NEK1: variants seen among roughly 807,000 people sequenced by gnomAD.
NEK1 encodes NIMA related kinase 1.
Under a neutral mutation model 182.1 loss-of-function variants are expected in NEK1, and 137 were observed. That is an observed-to-expected ratio of 0.75 (90% confidence interval 0.65 to 0.87). The LOEUF (loss-of-function observed/expected upper bound fraction) is 0.87, where lower values mean the gene tolerates loss of function less well. NEK1 is among the 40% of genes least tolerant of loss of function. The pLI is 0.00. For synonymous variants in NEK1, 513 were observed against 492.2 expected (o/e 1.04, Z -0.56); for missense variants, 1,391 against 1,494.4 (o/e 0.93, Z 1.14).
intron 12 of NEK1, among the ~76,000 whole-genome samples, chr4:169,574,329 CT>C (rs1765342899): frequency 6.6e-6 from 1 of 152,182 alleles, no homozygotes; most frequent in Non-Finnish European, 1.5e-5. Context: ...GGCGTGGTGG[CT>C]CATGCCCGTA....
At chr4:169,561,205 T>G (rs1762848927) in intron 16 of NEK1, among the ~76,000 whole-genome samples, 1 of 152,198 alleles carries the variant, frequency 6.6e-6, no homozygotes, top group African/African-American at 2.4e-5. Flanking sequence ...GAATTGTACA[T>G]AATTTTTAAA....
chr4:169,396,782 G>C (rs967407436), intron 35 of NEK1, among the ~76,000 whole-genome samples: 1 of 151,988 alleles, frequency 6.6e-6, no homozygotes, highest in Non-Finnish European at 1.5e-5. Flanking sequence ...TGTCACTTTC[G>C]GGTGAGCGAG....
intron 18 of NEK1, chr4:169,554,128 T>C (rs1340872029): frequency 6.6e-6 from 1 of 152,192 alleles, no homozygotes; most frequent in Non-Finnish European, 1.5e-5. Flanking sequence ...GTGTAGTACA[T>C]CCATTCTGGC....
chr4:169,604,899 A>G (rs1771086305), intron 2 of NEK1, among the ~76,000 whole-genome samples: 1 of 152,188 alleles, frequency 6.6e-6, no homozygotes, highest in Non-Finnish European at 1.5e-5. Flanking sequence ...TTAAAGAAGA[A>G]AAGTTGTTCC....
intron 26 of NEK1, among the ~76,000 whole-genome samples, chr4:169,473,366 C>A (rs1579982221): frequency 6.6e-6 from 1 of 151,754 alleles, no homozygotes; most frequent in South Asian, 2.1e-4. Flanking sequence ...AGAGGCTGGG[C>A]AGGGGTGAGG....
chr4:169,507,818 C>T (rs749494581), intron 21 of NEK1, 26 bp from the exon 22 acceptor site: 1 of 1,521,008 alleles, frequency 6.6e-7, no homozygotes, highest in Non-Finnish European at 9.1e-7. Flanking sequence ...ATAAGCAAAT[C>T]ACTTAGGATA....
intron 12 of NEK1, among the ~76,000 whole-genome samples, chr4:169,573,588 T>C (rs1765206194): frequency 6.6e-6 from 1 of 152,110 alleles, no homozygotes; most frequent in South Asian, 2.1e-4. Context: ...GAAATTATTA[T>C]AAATGAATAT....
intron 27 of NEK1, among the ~76,000 whole-genome samples, chr4:169,439,099 A>G (rs1738949137): frequency 6.6e-6 from 1 of 152,232 alleles, no homozygotes; most frequent in South Asian, 2.1e-4. Flanking sequence ...CAGAAATTCC[A>G]TAATATAGTC....
chr4:169,546,589 C>G (rs1317487260), intron 18 of NEK1, among the ~76,000 whole-genome samples: 5 of 152,018 alleles, frequency 3.3e-5, no homozygotes, highest in Admixed American at 3.3e-4. Context: ...GTTAAAGTCT[C>G]CCACTACTGT....
At position 169,507,756 on chromosome 4, in the gene NEK1, C is replaced by T. The variant is rs753654359; in HGVS notation, c.1870G>A (p.Glu624Lys). 1.9e-6 allele frequency: 3 copies of T among 1,613,126 alleles called. No homozygotes were observed. The highest frequency in any genetic ancestry group is 1.3e-5 in the African/African-American group (1 of 75,022). ...TTTTTGCGCCTCATGTCAGCCTCTT[C>T]ACTTCCTTCTTGTCCTTCAGAATGA... ...ANHSEGQEGSEEADMRRKKIE... is the reference protein window; with the variant it reads ...ANHSEGQEGSKEADMRRKKIE... The change falls in exon 22 of 36, where the codon GAA becomes AAA. Residue 624 changes from glutamate to lysine, a missense_variant. Glu to Lys is a moderately conservative substitution (Grantham distance 56). Around this residue, in one of 5 missense-constraint regions of NEK1, gnomAD observed 1,216 missense variants for 1,277.6 expected, o/e 0.95. Transcript: ENST00000507142.
At position 169,577,887 on chromosome 4, in the gene NEK1, TATA is replaced by T. The variant is rs530649631; in HGVS notation, c.869-811_869-809del. Among the ~76,000 whole-genome samples, 360 of 152,174 alleles carry T rather than the reference TATA, an allele frequency of 2.4e-3. 1 individual carries two copies. Among genetic ancestry groups the T allele is most frequent in the African/African-American group, 8.4e-3 (350 of 41,538 alleles). ...CAATATAAGCAACTTTTTTCCTTCA[TATA>T]ATGTCTGAATGGTATCTATACCTAC... On this transcript the variant is annotated intron_variant, in intron 11 of 35. Transcript: ENST00000507142.
At chr4:169,558,829 C>T (rs1762508086) in intron 16 of NEK1, among the ~76,000 whole-genome samples, 1 of 151,980 alleles carries the variant, frequency 6.6e-6, no homozygotes, top group Non-Finnish European at 1.5e-5. Context: ...ATAAAAATGC[C>T]TCTTATTTAG....
intron 24 of NEK1, 101 bp from the exon 25 acceptor site, chr4:169,477,598 G>C (rs1747207558): frequency 1.2e-6 from 1 of 850,856 alleles, no homozygotes; most frequent in South Asian, 2.0e-5. Context: ...TCATTAATTT[G>C]TTCCTTGTAA....
chr4:169,534,062 T>TA (rs1252164072), intron 19 of NEK1, among the ~76,000 whole-genome samples: 1 of 152,176 alleles, frequency 6.6e-6, no homozygotes, highest in Non-Finnish European at 1.5e-5. Flanking sequence ...ACAATGTAAG[T>TA]AGGAAGATAA....
At chr4:169,464,980 A>C (rs762200381) in intron 26 of NEK1, among the ~76,000 whole-genome samples, 2 of 152,134 alleles carry the variant, frequency 1.3e-5, no homozygotes, top group Non-Finnish European at 2.9e-5. Context: ...TGAAGTATAC[A>C]GGTACCTAGT....
chr4:169,484,336 G>A (rs556140178), intron 23 of NEK1, among the ~76,000 whole-genome samples: 2 of 152,292 alleles, frequency 1.3e-5, no homozygotes, highest in Admixed American at 6.5e-5. Context: ...GTGAGCCACC[G>A]CGTTTGGCCT....
chr4:169,508,287 A>G lies in NEK1; in HGVS notation c.1794T>C (p.Asn598=). The G allele has an allele frequency of 3.1e-6, 5 of 1,595,228 alleles. No individual in the cohort carries two copies. Among genetic ancestry groups the G allele is most frequent in the Non-Finnish European group, 4.3e-6 (5 of 1,171,238 alleles). The change falls in exon 21 of 36, where the codon AAT becomes AAC. Residue 598 remains asparagine (N), a synonymous_variant. Coordinates refer to ENST00000507142, the MANE Select transcript of NEK1 (RefSeq NM_001199397.3). ...GTTTGGCTTTAATCTGTTGGCGCTC[A>G]TTGAAATTCTGTAGTCTTATTTGCC... is the stretch of plus-strand genomic sequence containing the variant. ...RLRQIRLQNF[N]ERQQIKAKLR...
At chr4:169,604,985 A>G (rs1228894712) in intron 2 of NEK1, among the ~76,000 whole-genome samples, 1 of 152,152 alleles carries the variant, frequency 6.6e-6, no homozygotes, top group Non-Finnish European at 1.5e-5. Flanking sequence ...CAATTTAATG[A>G]TTTTTCCAGA....
In NEK1 at chr4:169,426,200, C is replaced by T; in HGVS notation, c.2920G>A (p.Val974Ile). ...ADRITIQENE[V>I]SEDGVSSTVD... ...GTACTCGAGACTCCATCTTCAGAAA[C>T]TTCATTTTCCTGAATGGTGATCCTA... Residue 974 changes from valine to isoleucine, a missense_variant, in exon 30 of 36, where the codon GTT becomes ATT. By Grantham distance (29) the Val-to-Ile change is conservative (BLOSUM62 3). This residue lies in a region of NEK1 where 1,216 missense variants were observed against 1,277.6 expected (regional missense o/e 0.95). Coordinates refer to ENST00000507142, the MANE Select transcript of NEK1 (RefSeq NM_001199397.3). 1 of 1,613,636 alleles carries T rather than the reference C, an allele frequency of 6.2e-7. No individual in the cohort carries two copies. The highest frequency in any genetic ancestry group is 8.5e-7 in the Non-Finnish European group (1 of 1,179,766).
Sources: allele counts gnomAD v4.1 joint callset (sites outside exome capture counted in the v4.1 genomes callset), GRCh38; gene constraint gnomAD v4.1.1; regional missense constraint gnomAD v4.1.1; transcripts MANE v1.5; gene names NCBI Gene and HGNC (gene_info 2026-07-23, HGNC 2026-07-21).